Variants in SCD5 observed in about 807,000 individuals in gnomAD.
The protein encoded by SCD5 is acyl-CoA-desaturase 4.
In SCD5, 20 loss-of-function variants were observed where a neutral mutation model predicts 30.4. The ratio of observed to expected loss-of-function variants is 0.66; its 90% confidence interval spans 0.46 to 0.96. The LOEUF (loss-of-function observed/expected upper bound fraction) is 0.96. SCD5 is among the 40% of genes least tolerant of loss of function. The pLI is 0.00. For synonymous variants in SCD5, 173 were observed against 176.4 expected (o/e 0.98, Z 0.16); for missense variants, 381 against 443.3 (o/e 0.86, Z 1.26).
intron 1 of SCD5, among the ~76,000 whole-genome samples, chr4:82,748,022 G>T (rs1452437283): frequency 6.6e-6 from 1 of 152,196 alleles, no homozygotes; most frequent in Non-Finnish European, 1.5e-5. Context: ...GGAAAAAAAT[G>T]AATTACTTGG....
intron 3 of SCD5, among the ~76,000 whole-genome samples, chr4:82,677,878 A>G (rs1248615517): frequency 2.0e-5 from 3 of 151,990 alleles, no homozygotes; most frequent in African/African-American, 7.3e-5. Context: ...GGCATCTTAA[A>G]AGCCTTTCTG....
At chr4:82,656,306 A>T (rs1167217155) in intron 3 of SCD5, among the ~76,000 whole-genome samples, 6 of 151,950 alleles carry the variant, frequency 3.9e-5, no homozygotes, top group African/African-American at 1.2e-4. Context: ...CCCTGTGTCC[A>T]TGTGGTTTCA....
chr4:82,730,060 T>G (rs1183008100), intron 1 of SCD5, among the ~76,000 whole-genome samples: 1 of 151,936 alleles, frequency 6.6e-6, no homozygotes, highest in Admixed American at 6.6e-5. Context: ...CATCTCTGAG[T>G]GCCCCCATGT....
At chr4:82,762,519 A>C (rs1252265741) in intron 1 of SCD5, among the ~76,000 whole-genome samples, 2 of 152,220 alleles carry the variant, frequency 1.3e-5, no homozygotes, top group Non-Finnish European at 2.9e-5. Flanking sequence ...CTGGGATTAC[A>C]GGCGTGAGCC....
At chr4:82,659,131 T>C (rs952510316) in intron 3 of SCD5, among the ~76,000 whole-genome samples, 1 of 152,206 alleles carries the variant, frequency 6.6e-6, no homozygotes, top group African/African-American at 2.4e-5. Flanking sequence ...TAGAGGTGTT[T>C]ATAGTATTCT....
chr4:82,709,399 T>A (rs1720034748), intron 1 of SCD5, among the ~76,000 whole-genome samples: 1 of 152,190 alleles, frequency 6.6e-6, no homozygotes, highest in African/African-American at 2.4e-5. Context: ...AACAGGAGTT[T>A]GAAAAGTAAG....
intron 1 of SCD5, among the ~76,000 whole-genome samples, chr4:82,770,630 A>G (rs1721599111): frequency 6.6e-6 from 1 of 152,266 alleles, no homozygotes; most frequent in African/African-American, 2.4e-5. Flanking sequence ...GAAGAATATC[A>G]TTTCAGCAAA....
rs534808908 is a variant in SCD5 at position 82,785,506 on chromosome 4, C to T, written c.232+12800G>A. The stretch of plus-strand genomic sequence containing the variant: ...AAATTTACTGTTCTTTGTTGAAAAT[C>T]GTATGTAAGCCTGAATGCAAAGTCA... On this transcript the variant is annotated intron_variant, in intron 1 of 4. Coordinates refer to ENST00000319540, the MANE Select transcript of SCD5 (RefSeq NM_001037582.3). Among the ~76,000 whole-genome samples, 6 of 152,278 alleles carry T rather than the reference C, an allele frequency of 3.9e-5. No individual in the cohort carries two copies. The South Asian group carries it at 6.2e-4, about 16-fold the overall frequency.
chr4:82,718,969 A>G (rs376123080), intron 1 of SCD5, among the ~76,000 whole-genome samples: 33 of 151,722 alleles, frequency 2.2e-4, no homozygotes, highest in East Asian at 1.7e-3. Context: ...CACCTTCCAC[A>G]TGCCCGTTTC....
At chr4:82,750,539 G>A (rs1015935789) in intron 1 of SCD5, among the ~76,000 whole-genome samples, 1 of 152,006 alleles carries the variant, frequency 6.6e-6, no homozygotes, top group Admixed American at 6.6e-5. Context: ...AAATTACTTG[G>A]AGAAAAAATG....
intron 3 of SCD5, among the ~76,000 whole-genome samples, chr4:82,665,395 T>C (rs965507940): frequency 6.6e-6 from 1 of 151,524 alleles, no homozygotes; most frequent in Non-Finnish European, 1.5e-5. Flanking sequence ...AAAATGAATC[T>C]AGATACATCA....
intron 1 of SCD5, among the ~76,000 whole-genome samples, chr4:82,739,586 G>A (rs1030218679): frequency 1.2e-4 from 18 of 152,358 alleles, no homozygotes; most frequent in African/African-American, 2.6e-4. Flanking sequence ...AGGCATTCAC[G>A]CACACAAAAC....
chr4:82,653,559 C>T (rs1175778467), intron 3 of SCD5, among the ~76,000 whole-genome samples: 2 of 152,024 alleles, frequency 1.3e-5, no homozygotes, highest in African/African-American at 4.8e-5. Flanking sequence ...TGAAATGTAG[C>T]TCTCTCAGTC....
intron 1 of SCD5, among the ~76,000 whole-genome samples, chr4:82,730,658 T>A (rs1483641267): frequency 1.4e-5 from 2 of 144,742 alleles, no homozygotes; most frequent in Non-Finnish European, 3.0e-5. Context: ...GGATCTTGGC[T>A]CACTGCATGC....
intron 1 of SCD5, among the ~76,000 whole-genome samples, chr4:82,708,238 G>A (rs1386570011): frequency 2.0e-5 from 3 of 152,182 alleles, no homozygotes. Flanking sequence ...TACAGTATGA[G>A]TTATAGCTCA....
chr4:82,648,064 A>T (rs1048641142), intron 3 of SCD5, among the ~76,000 whole-genome samples: 28 of 152,206 alleles, frequency 1.8e-4, no homozygotes, highest in Non-Finnish European at 4.1e-4. Context: ...ACGAAAAGAG[A>T]GTGTGGGAGG....
At chr4:82,687,681 G>A (rs1434257829) in intron 2 of SCD5, among the ~76,000 whole-genome samples, 3 of 152,094 alleles carry the variant, frequency 2.0e-5, no homozygotes, top group Non-Finnish European at 4.4e-5. Context: ...ACCTAAGTGG[G>A]GTCTCCACTG....
At chr4:82,674,655 G>T (rs915738014) in intron 3 of SCD5, among the ~76,000 whole-genome samples, 1 of 152,096 alleles carries the variant, frequency 6.6e-6, no homozygotes, top group African/African-American at 2.4e-5. Context: ...ACCTATGTCC[G>T]CACAAAAACC....
chr4:82,734,040 A>G (rs1720696784), intron 1 of SCD5, among the ~76,000 whole-genome samples: 1 of 152,214 alleles, frequency 6.6e-6, no homozygotes, highest in South Asian at 2.1e-4. Flanking sequence ...ACGTCTAGCT[A>G]CTTGGAGGAA....
Sources: allele counts gnomAD v4.1 joint callset (sites outside exome capture counted in the v4.1 genomes callset), GRCh38; gene constraint gnomAD v4.1.1; transcripts MANE v1.5; gene names NCBI Gene and HGNC (gene_info 2026-07-23, HGNC 2026-07-21).